NAV2: variants seen among roughly 807,000 people sequenced by gnomAD.
NAV2 encodes neuron navigator 2.
Under a neutral mutation model 223.2 loss-of-function variants are expected in NAV2, and 54 were observed. That is an observed-to-expected ratio of 0.24 (90% CI 0.19 to 0.30). NAV2 has a LOEUF of 0.30. Ranked by LOEUF, NAV2 falls within the 10% of genes least tolerant of loss-of-function variation. The pLI is 1.00. For missense variants in NAV2, 2,806 were observed against 3,147.5 expected (o/e 0.89, Z 2.60); for synonymous variants, 1,279 against 1,239.3 (o/e 1.03, Z -0.67).
intron 1 of NAV2, among the ~76,000 whole-genome samples, chr11:19,412,602 T>C (rs528693725): frequency 6.6e-6 from 1 of 152,264 alleles, no homozygotes; most frequent in South Asian, 2.1e-4. Flanking sequence ...CTCAAGTGGG[T>C]CGCTGACCCC....
intron 6 of NAV2, among the ~76,000 whole-genome samples, chr11:19,920,994 ATT>A (rs1366913404): frequency 1.3e-5 from 2 of 152,178 alleles, no homozygotes; most frequent in East Asian, 3.9e-4. Context: ...TTGTTTCCTG[ATT>A]TAGGTGAGTA....
At chr11:19,697,557 T>A (rs967061737) in intron 1 of NAV2, among the ~76,000 whole-genome samples, 4 of 151,686 alleles carry the variant, frequency 2.6e-5, no homozygotes, top group African/African-American at 9.7e-5. Context: ...TTAAAGGGCA[T>A]GGCATGTCTG....
chr11:19,453,503 T>C (rs1181972284), intron 1 of NAV2, among the ~76,000 whole-genome samples: 1 of 152,234 alleles, frequency 6.6e-6, no homozygotes, highest in East Asian at 1.9e-4. Context: ...TCCCTGACTA[T>C]GCTAACAGTT....
intron 10 of NAV2, chr11:19,978,613 G>A (rs1298125586): frequency 1.4e-5 from 2 of 140,298 alleles, no homozygotes; most frequent in Non-Finnish European, 3.1e-5. Context: ...GGATTGATTT[G>A]TTTTCTGTTT....
chr11:19,431,902 G>A lies in NAV2; in HGVS notation c.75+80875G>A, dbSNP rs148670814. 1.6e-3 allele frequency among the ~76,000 whole-genome samples: 242 copies of A among 152,292 alleles called. 1 individual carries two copies. Among genetic ancestry groups the A allele is most frequent in the African/African-American group, 5.2e-3 (218 of 41,576 alleles). ...TACATCATAGTGTGATCTGGTTGTC[G>A]AAAGTATTGATAAGACTGGGTGCGG... On this transcript the variant is annotated intron_variant, in intron 1 of 37. Coordinates refer to the NAV2 transcript ENST00000360655.
intron 11 of NAV2, among the ~76,000 whole-genome samples, chr11:20,025,122 A>G (rs1394031029): frequency 1.3e-5 from 2 of 152,152 alleles, no homozygotes; most frequent in Admixed American, 1.3e-4. Context: ...TCTGTTTGTT[A>G]GCCCTGGCAC....
At chr11:19,640,893 G>C (rs2047644574) in intron 1 of NAV2, among the ~76,000 whole-genome samples, 1 of 152,200 alleles carries the variant, frequency 6.6e-6, no homozygotes, top group Non-Finnish European at 1.5e-5. Flanking sequence ...AGCAACTGCA[G>C]ACACCAGGGA....
At chr11:19,887,903 G>A (rs979192093) in intron 5 of NAV2, among the ~76,000 whole-genome samples, 3 of 151,382 alleles carry the variant, frequency 2.0e-5, no homozygotes, top group African/African-American at 7.3e-5. Context: ...CTGGGAGGGG[G>A]CATCCTCTGC....
At chr11:19,426,711 TG>T (rs1850844314) in intron 1 of NAV2, among the ~76,000 whole-genome samples, 1 of 151,792 alleles carries the variant, frequency 6.6e-6, no homozygotes, top group Non-Finnish European at 1.5e-5. Context: ...TTTTTTTAGT[TG>T]GGGGGCGGGG....
At chr11:19,378,351 C>T (rs1848712713) in intron 1 of NAV2, among the ~76,000 whole-genome samples, 1 of 152,102 alleles carries the variant, frequency 6.6e-6, no homozygotes, top group Admixed American at 6.5e-5. Flanking sequence ...TACCCCCCTG[C>T]CCTGAGTTTA....
intron 1 of NAV2, among the ~76,000 whole-genome samples, chr11:19,369,956 G>T (rs937890599): frequency 2.0e-5 from 3 of 152,186 alleles, no homozygotes; most frequent in Non-Finnish European, 2.9e-5. Context: ...TGTATTAGCT[G>T]CCTTGGAGCT....
intron 32 of NAV2, 32 bp from the exon 33 acceptor site, chr11:20,103,223 T>C: frequency 3.8e-6 from 6 of 1,593,234 alleles, no homozygotes; most frequent in Admixed American, 3.4e-5. Flanking sequence ...ATTCACCCAC[T>C]TGTTCTCCTT....
chr11:19,598,430 T>A (rs1416738452), intron 1 of NAV2, among the ~76,000 whole-genome samples: 1 of 152,250 alleles, frequency 6.6e-6, no homozygotes, highest in African/African-American at 2.4e-5. Flanking sequence ...GCTTTTATGC[T>A]GCTTTGTCTT....
At chr11:20,011,177 CT>C (rs1169191357) in intron 11 of NAV2, among the ~76,000 whole-genome samples, 2 of 151,822 alleles carry the variant, frequency 1.3e-5, no homozygotes, top group African/African-American at 2.4e-5. Flanking sequence ...TGACCCATAG[CT>C]TTTTTAAAAA....
At chr11:19,590,351 G>T (rs1336771418) in intron 1 of NAV2, among the ~76,000 whole-genome samples, 1 of 152,056 alleles carries the variant, frequency 6.6e-6, no homozygotes, top group East Asian at 1.9e-4. Flanking sequence ...GGGTGAAAAA[G>T]GTCACATTGA....
chr11:19,422,365 T>G (rs543137321), intron 1 of NAV2, among the ~76,000 whole-genome samples: 8 of 152,082 alleles, frequency 5.3e-5, no homozygotes, highest in Non-Finnish European at 7.4e-5. Flanking sequence ...CATGGAACAG[T>G]GAGTTCAGTC....
chr11:19,827,392 C>T lies in NAV2; in HGVS notation c.268-5092C>T, dbSNP rs574963478. Among the ~76,000 whole-genome samples the T allele has an allele frequency of 2.2e-4, 33 of 152,236 alleles. No individual in the cohort carries two copies. The South Asian group carries it at 6.2e-3, about 29-fold the overall frequency. ...TGAGTCTGTGTCCTGATACCTGTCC[C>T]GAGGTTGTTGACCGCCTATTTGTTT... On this transcript the variant is annotated intron_variant, in intron 1 of 37. Transcript: ENST00000349880.
chr11:19,977,803 T>TC (rs1555176910), intron 10 of NAV2, among the ~76,000 whole-genome samples: 5 of 141,916 alleles, frequency 3.5e-5, no homozygotes, highest in South Asian at 4.6e-4. Flanking sequence ...TTTTTCTTTT[T>TC]TTTTTTTTTT....
chr11:19,652,876 T>G (rs1449688705), intron 1 of NAV2, among the ~76,000 whole-genome samples: 1 of 152,276 alleles, frequency 6.6e-6, no homozygotes, highest in Non-Finnish European at 1.5e-5. Context: ...CTTTAATGGA[T>G]GCAAAGCATT....
Sources: allele counts gnomAD v4.1 joint callset (sites outside exome capture counted in the v4.1 genomes callset), GRCh38; gene constraint gnomAD v4.1.1; transcripts MANE v1.5; gene names NCBI Gene and HGNC (gene_info 2026-07-23, HGNC 2026-07-21).